The following NMNAT3 variants were observed in gnomAD, a reference collection of about 807,000 sequenced individuals.
NMNAT3 encodes nicotinamide nucleotide adenylyltransferase 3, also known as nicotinamide/nicotinic acid mononucleotide adenylyltransferase 3.
In NMNAT3, 21 loss-of-function variants were observed where a neutral mutation model predicts 24.8. The ratio of observed to expected loss-of-function variants is 0.85; its 90% CI spans 0.60 to 1.22. The LOEUF (loss-of-function observed/expected upper bound fraction) is 1.22, where lower values mean the gene tolerates loss of function less well. Among genes scored for constraint, NMNAT3 ranks in the 50% most tolerant of loss-of-function variants. The pLI, the probability that NMNAT3 is intolerant of heterozygous loss-of-function variation, is 0.00. For missense variants in NMNAT3, 387 were observed against 436.6 expected (o/e 0.89, Z 1.01); for synonymous variants, 136 against 155.2 (o/e 0.88, Z 0.92).
intron 3 of NMNAT3, among the ~76,000 whole-genome samples, chr3:139,626,293 C>A (rs1363609056): frequency 1.3e-5 from 2 of 151,896 alleles, no homozygotes; most frequent in Non-Finnish European, 1.5e-5. Context: ...GTTATTCTTT[C>A]TTTTTTAAAA....
chr3:139,567,277 T>C (rs1937388263), intron 6 of NMNAT3: 1 of 151,800 alleles, frequency 6.6e-6, no homozygotes, highest in Non-Finnish European at 1.5e-5. Context: ...GATGGGGTTT[T>C]CTAGATATAC....
chr3:139,596,959 T>C (rs1310893196), intron 3 of NMNAT3, among the ~76,000 whole-genome samples: 2 of 111,576 alleles, frequency 1.8e-5, no homozygotes, highest in Non-Finnish European at 3.6e-5. Context: ...TATATATATA[T>C]ATATATTTTT....
chr3:139,615,583 T>C (rs2055460322), intron 3 of NMNAT3, among the ~76,000 whole-genome samples: 1 of 152,072 alleles, frequency 6.6e-6, no homozygotes, highest in South Asian at 2.1e-4. Flanking sequence ...TCCAATCCCA[T>C]ATCACAGGAC....
chr3:139,661,604 A>G (rs995217411), intron 1 of NMNAT3, among the ~76,000 whole-genome samples: 1 of 152,186 alleles, frequency 6.6e-6, no homozygotes, highest in Admixed American at 6.5e-5. Context: ...CAGGAGTTCA[A>G]GGTGATAGTG....
At chr3:139,623,482 AAAAGT>A (rs1415983484) in intron 3 of NMNAT3, among the ~76,000 whole-genome samples, 2 of 152,230 alleles carry the variant, frequency 1.3e-5, no homozygotes, top group African/African-American at 4.8e-5. Context: ...AAATAAGGAT[AAAAGT>A]ATAGTATAGT....
intron 2 of NMNAT3, among the ~76,000 whole-genome samples, chr3:139,629,564 T>C (rs2056203171): frequency 6.6e-6 from 1 of 152,232 alleles, no homozygotes; most frequent in African/African-American, 2.4e-5. Flanking sequence ...GCCTTTATTA[T>C]TCATCTTGCT....
At chr3:139,647,952 T>A (rs1002608300) in intron 1 of NMNAT3, among the ~76,000 whole-genome samples, 4 of 152,210 alleles carry the variant, frequency 2.6e-5, no homozygotes, top group Non-Finnish European at 5.9e-5. Flanking sequence ...CCCCAGATTC[T>A]ATGGTTCTTT....
chr3:139,634,607 A>C lies in NMNAT3; in HGVS notation c.-41+3356T>G, dbSNP rs1293123939. On this transcript the variant is annotated intron_variant, in intron 2 of 6. Transcript: ENST00000643695. ...ATGCTGCTAAAAACAAAAGCAAAGC[A>C]TACCTTCCTTGTCGGTGTAAGGATC... 6.6e-6 allele frequency: 1 copy of C among 152,200 alleles called. No individual in the cohort carries two copies. The highest frequency in any genetic ancestry group is 6.5e-5 in the Admixed American group (1 of 15,268). 9.4% of individuals were successfully genotyped at this position (152,200 alleles called of 1,614,324 possible). A position where few individuals can be genotyped will look rare whatever the true frequency, so the allele number is the denominator to read the frequency against.
chr3:139,586,330 T>A (rs2053938906), intron 3 of NMNAT3, among the ~76,000 whole-genome samples: 2 of 152,044 alleles, frequency 1.3e-5, no homozygotes, highest in South Asian at 4.2e-4. Flanking sequence ...GAGACATGAG[T>A]TTATCTACAT....
At chr3:139,656,455 A>G (rs1171660306) in intron 1 of NMNAT3, among the ~76,000 whole-genome samples, 1 of 152,134 alleles carries the variant, frequency 6.6e-6, no homozygotes, top group Non-Finnish European at 1.5e-5. Context: ...GGCATGGAGA[A>G]TATACTCTGC....
intron 1 of NMNAT3, among the ~76,000 whole-genome samples, chr3:139,674,802 GGGAA>G (rs1484163121): frequency 1.3e-5 from 2 of 152,006 alleles, no homozygotes; most frequent in Non-Finnish European, 2.9e-5. Context: ...GGAGATCATT[GGGAA>G]GATTAATAAA....
At chr3:139,610,795 A>G (rs1211771737) in intron 3 of NMNAT3, among the ~76,000 whole-genome samples, 1 of 152,234 alleles carries the variant, frequency 6.6e-6, no homozygotes, top group Non-Finnish European at 1.5e-5. Context: ...TATCATATGC[A>G]TTTAATTCTC....
chr3:139,659,396 C>G (rs950728685), intron 1 of NMNAT3, among the ~76,000 whole-genome samples: 1 of 152,030 alleles, frequency 6.6e-6, no homozygotes, highest in Non-Finnish European at 1.5e-5. Context: ...TAGAGACTCC[C>G]CAAGTGTGAT....
rs2057197628 is a variant in NMNAT3 at position 139,655,194 on chromosome 3, G to A, written c.-140-17132C>T. 2.0e-5 allele frequency among the ~76,000 whole-genome samples: 3 copies of A among 152,344 alleles called. No homozygotes were observed. In the South Asian group the frequency reaches 6.2e-4, roughly 32 times the overall value. On this transcript the variant is annotated intron_variant, in intron 1 of 6. Transcript: ENST00000643695. Reference sequence around the variant, plus strand: ...GCAGGGTCAACAGAGTGGCTAAGGTGCATGGGAGGCCTGCGCCAGCCTGCC... The same window carrying A: ...GCAGGGTCAACAGAGTGGCTAAGGTACATGGGAGGCCTGCGCCAGCCTGCC...
intron 4 of NMNAT3, among the ~76,000 whole-genome samples, chr3:139,581,966 G>A (rs189863999): frequency 3.3e-5 from 5 of 150,636 alleles, no homozygotes; most frequent in African/African-American, 7.3e-5. Flanking sequence ...AGGCCGGGGT[G>A]GGGGGATCAC....
At chr3:139,608,807 C>T (rs778188390) in intron 3 of NMNAT3, among the ~76,000 whole-genome samples, 10 of 152,122 alleles carry the variant, frequency 6.6e-5, no homozygotes, top group African/African-American at 2.2e-4. Context: ...ATGTAATCAT[C>T]GCCACAGTCA....
intron 4 of NMNAT3, among the ~76,000 whole-genome samples, chr3:139,580,816 T>C (rs1321917536): frequency 6.6e-6 from 1 of 151,382 alleles, no homozygotes; most frequent in Non-Finnish European, 1.5e-5. Context: ...GTGATATTCT[T>C]TTTTTTTTGG....
At chr3:139,572,742 G>C (rs1371683668) in intron 6 of NMNAT3, among the ~76,000 whole-genome samples, 1 of 152,150 alleles carries the variant, frequency 6.6e-6, no homozygotes, top group Non-Finnish European at 1.5e-5. Context: ...TTAAAAAAAT[G>C]GTAAGAATGA....
intron 1 of NMNAT3, among the ~76,000 whole-genome samples, chr3:139,653,459 T>G (rs1036341232): frequency 6.6e-6 from 1 of 152,234 alleles, no homozygotes; most frequent in Non-Finnish European, 1.5e-5. Context: ...ACCTACTCTT[T>G]CCTTTTATAC....
Sources: allele counts gnomAD v4.1 joint callset (sites outside exome capture counted in the v4.1 genomes callset), GRCh38; gene constraint gnomAD v4.1.1; transcripts MANE v1.5; gene names NCBI Gene and HGNC (gene_info 2026-07-23, HGNC 2026-07-21).